BCKDHB: variants seen among roughly 807,000 people sequenced by gnomAD.
BCKDHB encodes the protein 2-oxoisovalerate dehydrogenase subunit beta, mitochondrial.
BCKDHB carries 41 observed loss-of-function variants against 48.5 expected under a neutral mutation model. The observed-to-expected ratio is 0.85, with a 90% CI of 0.66 to 1.10. BCKDHB has a LOEUF of 1.10. BCKDHB is among the 50% of genes least tolerant of loss of function. BCKDHB has a pLI of 0.00. For missense variants in BCKDHB, 496 were observed against 494.2 expected (o/e 1.00, Z -0.03); for synonymous variants, 201 against 174.8 (o/e 1.15, Z -1.18).
chr6:80,107,999 T>C (rs186593649), intron 1 of BCKDHB, among the ~76,000 whole-genome samples: 6 of 152,294 alleles, frequency 3.9e-5, no homozygotes, highest in East Asian at 1.9e-4. Context: ...TGAACAGTTA[T>C]TGAGTGCTTA....
chr6:80,347,954 A>G (rs9343984), downstream of BCKDHB, among the ~76,000 whole-genome samples: 115,943 of 152,130 alleles, frequency 0.76, 45,220 homozygotes, highest in African/African-American at 0.93. Flanking sequence ...CACTGCTCCC[A>G]GCCTCACATA....
intron 9 of BCKDHB, among the ~76,000 whole-genome samples, chr6:80,336,514 C>G (rs3077614): frequency 1.1e-5 from 1 of 94,680 alleles, no homozygotes; most frequent in Admixed American, 1.3e-4. Context: ...CAAAAAAAAA[C>G]CAAATTTACC....
chr6:80,392,409 A>C, the BCKDHB span, among the ~76,000 whole-genome samples: 3 of 152,072 alleles, frequency 2.0e-5, no homozygotes, highest in East Asian at 5.8e-4. Context: ...CACCGCATGT[A>C]GATATGGTCC....
At chr6:80,342,363 T>C (rs1769949950) in intron 9 of BCKDHB, among the ~76,000 whole-genome samples, 1 of 151,756 alleles carries the variant, frequency 6.6e-6, no homozygotes, top group South Asian at 2.1e-4. Context: ...ATGTTAAAAG[T>C]AATATTATTT....
chr6:80,140,448 G>A lies in BCKDHB; in HGVS notation c.343+11219G>A, dbSNP rs538937459. On this transcript the variant is annotated intron_variant, in intron 3 of 9. Coordinates refer to ENST00000320393, the MANE Select transcript of BCKDHB (RefSeq NM_183050.4). ...TGATATTGGCTGTGGGTTTGTCATC[G>A]ATAGCTCTTATTATTTTGAGATACG... 1.8e-4 allele frequency among the ~76,000 whole-genome samples: 27 copies of A among 150,698 alleles called. 1 individual carries two copies. The highest frequency in any genetic ancestry group is 1.3e-3 in the South Asian group (6 of 4,740).
At chr6:80,409,837 T>A in the BCKDHB span, among the ~76,000 whole-genome samples, 4 of 151,738 alleles carry the variant, frequency 2.6e-5, no homozygotes, top group African/African-American at 9.7e-5. Context: ...GAAATGGGTC[T>A]CCTGAATACA....
intron 6 of BCKDHB, among the ~76,000 whole-genome samples, chr6:80,200,063 CAAAAAAAAAAA>C (rs55737130): frequency 1.8e-4 from 6 of 32,776 alleles, no homozygotes; most frequent in African/African-American, 5.3e-4. Context: ...GACCCTGTCT[CAAAAAAAAAAA>C]AAAAAAAAAA....
intron 8 of BCKDHB, among the ~76,000 whole-genome samples, chr6:80,272,478 CT>C (rs1777788543): frequency 6.6e-6 from 1 of 152,240 alleles, no homozygotes; most frequent in East Asian, 1.9e-4. Context: ...CATTGCTATA[CT>C]TTTTTATTTA....
intron 9 of BCKDHB, among the ~76,000 whole-genome samples, chr6:80,288,694 T>C (rs1274825220): frequency 6.6e-6 from 1 of 152,064 alleles, no homozygotes; most frequent in East Asian, 1.9e-4. Context: ...CGACTGTACT[T>C]TGTCTTAAGG....
At chr6:80,398,430 C>T in the BCKDHB span, among the ~76,000 whole-genome samples, 1 of 152,232 alleles carries the variant, frequency 6.6e-6, no homozygotes, top group Non-Finnish European at 1.5e-5. Flanking sequence ...AAATAACCAT[C>T]AGAGAATACT....
intron 9 of BCKDHB, among the ~76,000 whole-genome samples, chr6:80,276,779 A>T (rs1040971387): frequency 6.6e-6 from 1 of 151,894 alleles, no homozygotes; most frequent in Non-Finnish European, 1.5e-5. Context: ...TGATTAGAAG[A>T]CTATTTTATA....
At chr6:80,205,601 CAG>C (rs1774608295) in intron 8 of BCKDHB, among the ~76,000 whole-genome samples, 1 of 151,990 alleles carries the variant, frequency 6.6e-6, no homozygotes, top group South Asian at 2.1e-4. Context: ...GAGAAAGGAG[CAG>C]AGTCTTTGAC....
intron 9 of BCKDHB, among the ~76,000 whole-genome samples, chr6:80,332,791 A>G (rs1225666467): frequency 1.3e-5 from 2 of 151,994 alleles, no homozygotes; most frequent in South Asian, 2.1e-4. Context: ...TTCAAATCAG[A>G]ATTCAAAACC....
chr6:80,392,798 C>A, the BCKDHB span, among the ~76,000 whole-genome samples: 1 of 150,732 alleles, frequency 6.6e-6, no homozygotes, highest in Non-Finnish European at 1.5e-5. Context: ...TAGGAGTCCT[C>A]TGCTTCATCA....
At chr6:80,286,884 G>T (rs1010847164) in intron 9 of BCKDHB, among the ~76,000 whole-genome samples, 4 of 152,138 alleles carry the variant, frequency 2.6e-5, no homozygotes, top group African/African-American at 9.7e-5. Context: ...AAGCATTTAA[G>T]GGTGATTTTA....
At chr6:80,391,682 T>C in the BCKDHB span, among the ~76,000 whole-genome samples, 1,541 of 152,292 alleles carry the variant, frequency 0.01, 26 homozygotes, top group African/African-American at 0.034. Context: ...TGTTACAGCA[T>C]TCCTAGATAC....
chr6:80,262,384 A>G (rs945104203), intron 8 of BCKDHB, among the ~76,000 whole-genome samples: 1 of 152,174 alleles, frequency 6.6e-6, no homozygotes, highest in Middle Eastern at 3.2e-3. Context: ...ACGCACACAC[A>G]TATGACTATT....
intron 9 of BCKDHB, among the ~76,000 whole-genome samples, chr6:80,316,406 T>G (rs192994649): frequency 7.2e-5 from 11 of 152,256 alleles, no homozygotes; most frequent in African/African-American, 2.6e-4. Flanking sequence ...CTTTTTTTCC[T>G]TTTGCATCGA....
At chr6:80,311,643 T>A (rs982299234) in intron 9 of BCKDHB, among the ~76,000 whole-genome samples, 7 of 152,212 alleles carry the variant, frequency 4.6e-5, no homozygotes, top group African/African-American at 1.7e-4. Context: ...GTTTTCTGCA[T>A]ACGATTAGCC....
Sources: gnomAD v4.1 joint callset for allele counts (sites outside exome capture counted in the v4.1 genomes callset) on GRCh38, gnomAD v4.1.1 for gene constraint, MANE v1.5 for transcripts, NCBI Gene and HGNC (gene_info 2026-07-23, HGNC 2026-07-21) for gene names.